The following NDUFA3 variants were observed in gnomAD, a reference collection of about 807,000 sequenced individuals.
The protein encoded by NDUFA3 is NADH:ubiquinone oxidoreductase subunit A3, also known as NADH dehydrogenase [ubiquinone] 1 alpha subcomplex subunit 3.
Under a neutral mutation model 11.4 loss-of-function variants are expected in NDUFA3, and 10 were observed. The observed-to-expected ratio is 0.87, with a 90% CI of 0.54 to 1.48. The LOEUF is 1.48. Ranked by LOEUF, NDUFA3 falls within the 40% of genes most tolerant of loss-of-function variation. The pLI, the probability that NDUFA3 is intolerant of heterozygous loss-of-function variation, is 0.00. For missense variants in NDUFA3, 115 were observed against 110.5 expected, an observed-to-expected ratio of 1.04 and a Z score of -0.18; for synonymous variants, 39 against 46.9, an observed-to-expected ratio of 0.83 and a Z score of 0.68.
intron 3 of NDUFA3, 29 bp downstream of exon 3, chr19:54,106,040 G>A (rs1386550787): frequency 1.3e-6 from 2 of 1,582,744 alleles, no homozygotes; most frequent in East Asian, 2.2e-5. Flanking sequence ...GGGATCCCCG[G>A]AATAGGCCCA....
At chr19:54,104,350 C>A (rs1366658235) in intron 2 of NDUFA3, among the ~76,000 whole-genome samples, 1 of 151,914 alleles carries the variant, frequency 6.6e-6, no homozygotes, top group Non-Finnish European at 1.5e-5. Flanking sequence ...GTTGGCCAGG[C>A]TGGTCTTGAA....
chr19:54,103,861 TCTCG>T (rs1386680840), intron 2 of NDUFA3, among the ~76,000 whole-genome samples: 1 of 148,638 alleles, frequency 6.7e-6, no homozygotes, highest in Non-Finnish European at 1.5e-5. Flanking sequence ...TGAGACTGAG[TCTCG>T]CTCTGTCGCC....
At chr19:54,105,861 C>T (rs1056151035) in intron 2 of NDUFA3, 73 bp from the exon 3 acceptor site, 4 of 1,345,860 alleles carry the variant, frequency 3.0e-6, no homozygotes, top group Admixed American at 1.7e-5. Flanking sequence ...CTTCCCTTTG[C>T]CAAGGCTCAC....
chr19:54,106,485 A>C, intron 3 of NDUFA3: 1 of 394,782 alleles, frequency 2.5e-6, no homozygotes, highest in Non-Finnish European at 4.5e-6. Context: ...TCGAGTTTCT[A>C]TTACCTTTCC....
At chr19:54,106,298 C>T (rs1007858225) in intron 3 of NDUFA3, 44 of 458,204 alleles carry the variant, frequency 9.6e-5, no homozygotes, top group African/African-American at 8.6e-4. Flanking sequence ...TCCCGAGTAG[C>T]TGGGACTACA....
chr19:54,103,958 C>T lies in NDUFA3; in HGVS notation c.85+770C>T, dbSNP rs587629548. Among the ~76,000 whole-genome samples the T allele has an allele frequency of 2.0e-3, 301 of 152,126 alleles. 3 individuals are homozygous for T. Among genetic ancestry groups the T allele is most frequent in the African/African-American group, 7.0e-3 (291 of 41,508 alleles). ...ACGCCATTCTCCTGCCTCAGCCTCC[C>T]GAGTAGCTGGGACTACAGGCGCCCG... On this transcript the variant is annotated intron_variant, in intron 2 of 3. Transcript: ENST00000485876.
chr19:54,105,483 G>C, intron 2 of NDUFA3: 1 of 294,672 alleles, frequency 3.4e-6, no homozygotes, highest in South Asian at 3.1e-5. Flanking sequence ...TGTCCAGGCT[G>C]GTCGCGAACT....
chr19:54,105,971 C>T lies in NDUFA3; in HGVS notation c.123C>T (p.Tyr41=). Residue 41 remains tyrosine (Y), a synonymous_variant, in exon 3 of 4, where the codon TAC becomes TAT. Coordinates refer to ENST00000485876, the MANE Select transcript of NDUFA3 (RefSeq NM_004542.4). ...CCCCATTGAGCCCCTACTTCAAGTA[C>T]TCCGTCATGATCAACAAGGCCACGC... ...ILPPLSPYFK[Y]SVMINKATPY... 3.7e-6 allele frequency: 6 copies of T among 1,613,954 alleles called. No individual in the cohort carries two copies. Among genetic ancestry groups the T allele is most frequent in the Non-Finnish European group, 5.1e-6 (6 of 1,179,904 alleles).
At chr19:54,105,175 C>T (rs1314008679) in intron 2 of NDUFA3, among the ~76,000 whole-genome samples, 1 of 151,996 alleles carries the variant, frequency 6.6e-6, no homozygotes, top group Admixed American at 6.6e-5. Context: ...GAACTGTACC[C>T]CATCCCCCAG....
chr19:54,106,593 T>C, intron 3 of NDUFA3: 1 of 485,514 alleles, frequency 2.1e-6, no homozygotes, highest in Non-Finnish European at 3.6e-6. Context: ...TGACCCTAGC[T>C]CTCTAGTGCG....
chr19:54,103,289 C>G, intron 2 of NDUFA3, 101 bp downstream of exon 2: 5 of 1,233,236 alleles, frequency 4.1e-6, no homozygotes, highest in Non-Finnish European at 5.5e-6. Flanking sequence ...CTCGGGTCCC[C>G]TCTAGTGTGT....
chr19:54,105,768 G>A (rs1386728244), intron 2 of NDUFA3, 166 bp from the exon 3 acceptor site: 22 of 696,284 alleles, frequency 3.2e-5, no homozygotes, highest in Non-Finnish European at 5.3e-5. Context: ...AAACCCTCCT[G>A]TCTATAAGTA....
At position 54,107,392 on chromosome 19, in the gene NDUFA3, G is replaced by T. The variant is rs1451008108; in HGVS notation, c.*490G>T. 5.2e-6 allele frequency: 3 copies of T among 579,696 alleles called. No homozygotes were observed. The highest frequency in any genetic ancestry group is 9.0e-6 in the Non-Finnish European group (3 of 334,756). 35.9% of individuals were successfully genotyped at this position (579,696 alleles called of 1,614,324 possible). On this transcript the variant is annotated 3_prime_UTR_variant, in exon 4 of 4. Coordinates refer to ENST00000485876, the MANE Select transcript of NDUFA3 (RefSeq NM_004542.4). The stretch of plus-strand genomic sequence containing the variant: ...GCTTCCCAAGTAGCTGGGACTACAG[G>T]CACTTGCCAACCAAGCCTAACATGT...
chr19:54,106,919 A>G lies in NDUFA3; in HGVS notation c.*17A>G. On this transcript the variant is annotated 3_prime_UTR_variant, in exon 4 of 4. Transcript: ENST00000485876. The stretch of plus-strand genomic sequence containing the variant: ...AAACTGTGAGCACCTCCACTGACAG[A>G]GGCGGCCCCTCCCACGGCTCCCAAT... The G allele has an allele frequency of 6.2e-7, 1 of 1,607,654 alleles. No homozygotes were observed. The highest frequency in any genetic ancestry group is 8.5e-7 in the Non-Finnish European group (1 of 1,177,286).
chr19:54,105,403 G>A (rs1261419618), intron 2 of NDUFA3, among the ~76,000 whole-genome samples: 2 of 151,384 alleles, frequency 1.3e-5, no homozygotes, highest in African/African-American at 4.9e-5. Context: ...TGAGTAGCTG[G>A]GATTACAGGC....
chr19:54,103,311 C>T (rs1374159752), intron 2 of NDUFA3, 123 bp downstream of exon 2: 49 of 976,862 alleles, frequency 5.0e-5, no homozygotes, highest in Non-Finnish European at 7.4e-6. Context: ...TGCACCCCCA[C>T]GGCATCCCCT....
intron 2 of NDUFA3, 123 bp from the exon 3 acceptor site, chr19:54,105,811 G>A (rs780962878): frequency 2.1e-5 from 17 of 792,098 alleles, no homozygotes; most frequent in African/African-American, 1.9e-4. Context: ...CCTCCTGGAC[G>A]TGCTGGCCCT....
chr19:54,106,975 G>T lies in NDUFA3; in HGVS notation c.*73G>T. 1 of 1,603,742 alleles carries T rather than the reference G, an allele frequency of 6.2e-7. No individual in the cohort carries two copies. The highest frequency in any genetic ancestry group is 8.5e-7 in the Non-Finnish European group (1 of 1,173,520). Reference sequence around the variant, plus strand: ...TGTGAAAACCAACCCCCGAACGTGAGCATGTGTGTGATCAGAGGTGGGAAC... The same window carrying T: ...TGTGAAAACCAACCCCCGAACGTGATCATGTGTGTGATCAGAGGTGGGAAC... On this transcript the variant is annotated 3_prime_UTR_variant, in exon 4 of 4. Transcript: ENST00000485876.
intron 2 of NDUFA3, 92 bp from the exon 3 acceptor site, chr19:54,105,842 G>C: frequency 1.8e-6 from 2 of 1,086,094 alleles, no homozygotes; most frequent in Non-Finnish European, 2.8e-6. Context: ...CTCCCCCTGC[G>C]CACTTTATCT....
Sources: gnomAD v4.1 joint callset for allele counts (sites outside exome capture counted in the v4.1 genomes callset) on GRCh38, gnomAD v4.1.1 for gene constraint, MANE v1.5 for transcripts, NCBI Gene and HGNC (gene_info 2026-07-23, HGNC 2026-07-21) for gene names.